Variants in SNCAIP observed in about 807,000 individuals in gnomAD.
The protein encoded by SNCAIP is synuclein alpha interacting protein, also known as synphilin-1.
In SNCAIP, 43 loss-of-function variants were observed where a neutral mutation model predicts 86.7. The observed-to-expected ratio is 0.50, with a 90% CI of 0.39 to 0.64. SNCAIP has a LOEUF of 0.64. Among genes scored for constraint, SNCAIP ranks in the 30% least tolerant of loss-of-function variants. The pLI, the probability that SNCAIP is intolerant of heterozygous loss-of-function variation, is 0.00. For synonymous variants in SNCAIP, 417 were observed against 427.2 expected (o/e 0.98, Z 0.29); for missense variants, 981 against 1,103.1 (o/e 0.89, Z 1.57).
chr5:122,427,010 G>A (rs953503554), intron 5 of SNCAIP, among the ~76,000 whole-genome samples: 1 of 152,144 alleles, frequency 6.6e-6, no homozygotes, highest in African/African-American at 2.4e-5. Flanking sequence ...ATAGCCCTGT[G>A]ACAGAGTTCT....
chr5:122,360,485 C>T (rs978100611), intron 1 of SNCAIP, among the ~76,000 whole-genome samples: 1 of 152,222 alleles, frequency 6.6e-6, no homozygotes, highest in Non-Finnish European at 1.5e-5. Context: ...ATAACCTCAT[C>T]AGCTTAAGAT....
At chr5:122,444,328 T>C (rs1440537179) in intron 7 of SNCAIP, 2 of 578,550 alleles carry the variant, frequency 3.5e-6, no homozygotes, top group Non-Finnish European at 6.4e-6. Flanking sequence ...GAGCACACTA[T>C]GGACAGCCTC....
At chr5:122,452,977 A>G (rs1442237721) in intron 10 of SNCAIP, 1 of 1,548,032 alleles carries the variant, frequency 6.5e-7, no homozygotes, top group Admixed American at 2.0e-5. Context: ...ATTGAAGAGC[A>G]TCTGTGTAAC....
intron 1 of SNCAIP, among the ~76,000 whole-genome samples, chr5:122,385,375 T>G (rs1767889294): frequency 6.6e-6 from 1 of 152,214 alleles, no homozygotes; most frequent in Admixed American, 6.5e-5. Context: ...TAGTAAAAAT[T>G]TCTTGCCTCT....
chr5:122,373,774 A>T (rs1315415515), intron 1 of SNCAIP, among the ~76,000 whole-genome samples: 1 of 152,138 alleles, frequency 6.6e-6, no homozygotes, highest in Non-Finnish European at 1.5e-5. Context: ...AGCCCTGACA[A>T]CTTCACTGGC....
intron 3 of SNCAIP, among the ~76,000 whole-genome samples, chr5:122,419,633 C>T (rs1270619542): frequency 6.6e-6 from 1 of 152,142 alleles, no homozygotes; most frequent in South Asian, 2.1e-4. Context: ...AGACTCTGCT[C>T]TCATGGAACT....
intron 1 of SNCAIP, among the ~76,000 whole-genome samples, chr5:122,360,613 G>A (rs1762007108): frequency 6.6e-6 from 1 of 152,084 alleles, no homozygotes; most frequent in Non-Finnish European, 1.5e-5. Context: ...TCTAAAATGG[G>A]TGCAGTTGTA....
intron 1 of SNCAIP, among the ~76,000 whole-genome samples, chr5:122,322,573 T>G (rs945201209): frequency 6.6e-6 from 1 of 152,222 alleles, no homozygotes; most frequent in African/African-American, 2.4e-5. Flanking sequence ...ATTGACCTGC[T>G]TTGAGTTTTT....
intron 1 of SNCAIP, among the ~76,000 whole-genome samples, chr5:122,377,417 C>A (rs1016227404): frequency 6.6e-6 from 1 of 151,890 alleles, no homozygotes; most frequent in Non-Finnish European, 1.5e-5. Flanking sequence ...TGAATTCTTT[C>A]TTTCTTCCAA....
intron 3 of SNCAIP, among the ~76,000 whole-genome samples, chr5:122,417,368 T>C (rs1330171052): frequency 6.6e-6 from 1 of 152,194 alleles, no homozygotes; most frequent in Non-Finnish European, 1.5e-5. Flanking sequence ...AGACATTCCA[T>C]ACAGTCATAG....
chr5:122,391,367 A>G (rs1453002567), intron 2 of SNCAIP, among the ~76,000 whole-genome samples, 176 bp downstream of exon 2: 1 of 152,208 alleles, frequency 6.6e-6, no homozygotes, highest in Non-Finnish European at 1.5e-5. Context: ...TAGACCAAGA[A>G]GTGAATCTTC....
chr5:122,353,281 G>A (rs1007066334), intron 1 of SNCAIP, among the ~76,000 whole-genome samples: 3 of 152,084 alleles, frequency 2.0e-5, no homozygotes, highest in Non-Finnish European at 4.4e-5. Flanking sequence ...ATTGTGTTGG[G>A]ATTCAGCATA....
intron 1 of SNCAIP, among the ~76,000 whole-genome samples, chr5:122,362,507 T>A (rs183042815): frequency 6.6e-6 from 1 of 152,326 alleles, no homozygotes; most frequent in East Asian, 1.9e-4. Context: ...CTAGAGGAAC[T>A]CTGCAGTATT....
intron 1 of SNCAIP, chr5:122,389,409 T>G (rs1330098674): frequency 6.6e-6 from 1 of 152,102 alleles, no homozygotes; most frequent in Non-Finnish European, 1.5e-5. Flanking sequence ...GAAAAGAAAT[T>G]GGATTGGAAG....
At chr5:122,350,546 C>T (rs1233116250) in intron 1 of SNCAIP, among the ~76,000 whole-genome samples, 1 of 150,918 alleles carries the variant, frequency 6.6e-6, no homozygotes, top group African/African-American at 2.4e-5. Context: ...ATGTTGATTA[C>T]TGGGGAAGTC....
chr5:122,383,959 G>A (rs1380618617), intron 1 of SNCAIP, among the ~76,000 whole-genome samples: 2 of 152,214 alleles, frequency 1.3e-5, no homozygotes, highest in Non-Finnish European at 2.9e-5. Context: ...TGTGGGTAAG[G>A]TGTGTTAGAG....
intron 1 of SNCAIP, among the ~76,000 whole-genome samples, chr5:122,337,427 G>A (rs76458655): frequency 1.3e-5 from 2 of 152,048 alleles, no homozygotes; most frequent in African/African-American, 2.4e-5. Context: ...CTCTTTTACC[G>A]AGAGAAATAG....
At chr5:122,444,502 G>A (rs1397993044) in intron 7 of SNCAIP, 61 bp from the exon 8 acceptor site, 3 of 1,474,222 alleles carry the variant, frequency 2.0e-6, no homozygotes, top group East Asian at 4.5e-5. Context: ...TTCTGTTACA[G>A]TCATTAAAAA....
intron 1 of SNCAIP, among the ~76,000 whole-genome samples, chr5:122,335,607 G>A (rs530979245): frequency 4.1e-4 from 62 of 152,262 alleles, no homozygotes; most frequent in African/African-American, 1.4e-3. Context: ...AGCTTAGTAG[G>A]GACTGCTGTT....
Sources: gnomAD v4.1 joint callset for allele counts (sites outside exome capture counted in the v4.1 genomes callset) on GRCh38, gnomAD v4.1.1 for gene constraint, MANE v1.5 for transcripts, NCBI Gene and HGNC (gene_info 2026-07-23, HGNC 2026-07-21) for gene names.